The following BCL2L13 variants were observed in gnomAD, a reference collection of about 807,000 sequenced individuals.
BCL2L13 encodes bcl-2-like protein 13.
Under a neutral mutation model 25.8 loss-of-function variants are expected in BCL2L13, and 13 were observed. The ratio of observed to expected loss-of-function variants is 0.50; its 90% CI spans 0.33 to 0.80. The LOEUF (loss-of-function observed/expected upper bound fraction) is 0.80. Among genes scored for constraint, BCL2L13 ranks in the 30% least tolerant of loss-of-function variants. BCL2L13 has a pLI of 0.02. For missense variants in BCL2L13, 504 were observed against 574.9 expected, an observed-to-expected ratio of 0.88 and a Z score of 1.26; for synonymous variants, 244 against 230.3, an observed-to-expected ratio of 1.06 and a Z score of -0.54.
At position 17,726,788 on chromosome 22, in the gene BCL2L13, C is replaced by A. The variant is rs1367945344; in HGVS notation, c.712C>A (p.Pro238Thr). The A allele has an allele frequency of 6.2e-7, 1 of 1,614,190 alleles. No individual in the cohort carries two copies. The highest frequency in any genetic ancestry group is 8.5e-7 in the Non-Finnish European group (1 of 1,180,040). ...PSDNSGQVSP[P>T]ESPTVTTSWQ... ...CGACAACTCTGGACAAGTCAGTCCCCCAGAGTCTCCAACTGTGACCACTTC... is the reference window on the plus strand; with the variant it reads ...CGACAACTCTGGACAAGTCAGTCCCACAGAGTCTCCAACTGTGACCACTTC... The change falls in exon 7 of 7, where the codon CCA becomes ACA. Residue 238 changes from proline to threonine, a missense_variant. Transcript: ENST00000317582.
At chr22:17,655,602 C>T in intron 1 of BCL2L13, 60 bp from the exon 2 acceptor site, 3 of 1,361,676 alleles carry the variant, frequency 2.2e-6, no homozygotes, top group Non-Finnish European at 3.0e-6. Context: ...TGGTGTGAAA[C>T]AACTGTTAAA....
intron 6 of BCL2L13, among the ~76,000 whole-genome samples, chr22:17,717,932 T>C (rs540292685): frequency 1.3e-5 from 2 of 152,046 alleles, no homozygotes; most frequent in Admixed American, 6.6e-5. Flanking sequence ...ACAAAAAATG[T>C]AAAAATTAGC....
rs1323766188 is a variant in BCL2L13 at position 17,677,911 on chromosome 22, T to C, written c.122-5303T>C. 2.7e-5 allele frequency among the ~76,000 whole-genome samples: 4 copies of C among 150,900 alleles called. No individual in the cohort carries two copies. The East Asian group carries it at 7.8e-4, about 30-fold the overall frequency. On this transcript the variant is annotated intron_variant, in intron 2 of 6. Coordinates refer to ENST00000317582, the MANE Select transcript of BCL2L13 (RefSeq NM_015367.4). ...CCCCACAAAAATTAGCTGGGCATGGTGGTGTGTACCTGTAGTGCCAGCTAC... is the reference window on the plus strand; with the variant it reads ...CCCCACAAAAATTAGCTGGGCATGGCGGTGTGTACCTGTAGTGCCAGCTAC...
chr22:17,681,880 T>G (rs952196381), intron 2 of BCL2L13, among the ~76,000 whole-genome samples: 5 of 152,144 alleles, frequency 3.3e-5, no homozygotes, highest in African/African-American at 1.2e-4. Flanking sequence ...GTGTCTTGGT[T>G]TTTCACCTGC....
intron 2 of BCL2L13, among the ~76,000 whole-genome samples, chr22:17,660,423 A>G (rs1196858059): frequency 6.9e-6 from 1 of 145,638 alleles, no homozygotes; most frequent in African/African-American, 2.4e-5. Flanking sequence ...TTACTGATTG[A>G]TTGATTGATT....
chr22:17,660,827 C>G (rs1246910031), intron 2 of BCL2L13, among the ~76,000 whole-genome samples: 1 of 146,378 alleles, frequency 6.8e-6, no homozygotes. Context: ...TCGCTCTCGT[C>G]AGGTGGGAGT....
chr22:17,720,045 G>T (rs996436357), intron 6 of BCL2L13, among the ~76,000 whole-genome samples: 1 of 152,010 alleles, frequency 6.6e-6, no homozygotes, highest in Non-Finnish European at 1.5e-5. Flanking sequence ...ACTACCAAAG[G>T]GTGTCTTTTT....
chr22:17,643,768 C>T (rs561552034), intron 1 of BCL2L13, among the ~76,000 whole-genome samples: 1 of 151,232 alleles, frequency 6.6e-6, no homozygotes, highest in Non-Finnish European at 1.5e-5. Context: ...CACTCGCCAC[C>T]ATGCCCGGCT....
intron 6 of BCL2L13, among the ~76,000 whole-genome samples, chr22:17,711,543 C>T (rs1024865381): frequency 1.3e-5 from 2 of 152,106 alleles, no homozygotes; most frequent in African/African-American, 4.8e-5. Context: ...AAGTGATTGC[C>T]TGCCTCTGCC....
intron 2 of BCL2L13, among the ~76,000 whole-genome samples, chr22:17,679,931 G>A (rs1308631058): frequency 6.6e-6 from 1 of 151,900 alleles, no homozygotes; most frequent in Non-Finnish European, 1.5e-5. Context: ...AAGACTTATG[G>A]GCCAGGCACG....
intron 2 of BCL2L13, among the ~76,000 whole-genome samples, chr22:17,669,192 C>G (rs558810205): frequency 2.7e-4 from 40 of 146,260 alleles, no homozygotes; most frequent in Non-Finnish European, 5.2e-4. Context: ...GCCACCACAC[C>G]CGGCTAGTTT....
chr22:17,693,563 A>G (rs1379442038), intron 4 of BCL2L13, among the ~76,000 whole-genome samples: 2 of 151,544 alleles, frequency 1.3e-5, no homozygotes, highest in Non-Finnish European at 2.9e-5. Flanking sequence ...TATTTTTAGT[A>G]GAGACATGGT....
In BCL2L13 at chr22:17,640,894, A is replaced by G. The variant is rs1038732522; in HGVS notation, c.-51+2008A>G. On this transcript the variant is annotated intron_variant, in intron 1 of 6. Coordinates refer to ENST00000317582, the MANE Select transcript of BCL2L13 (RefSeq NM_015367.4). ...GTTTATTAATTTTTTATATATATAT[A>G]TATATTTTTTTTTTGAGGCGGAGTG... Among the ~76,000 whole-genome samples, 12 of 113,162 alleles carry G rather than the reference A, an allele frequency of 1.1e-4. No homozygotes were observed. In the South Asian group the frequency reaches 2.8e-3, roughly 26 times the overall value. 74.2% of individuals were successfully genotyped at this position (113,162 alleles called of 152,430 possible).
intron 2 of BCL2L13, among the ~76,000 whole-genome samples, chr22:17,656,795 C>G (rs1388261573): frequency 2.0e-5 from 3 of 152,000 alleles, no homozygotes; most frequent in Non-Finnish European, 4.4e-5. Flanking sequence ...ACTAAGTGTT[C>G]CATCATAATG....
intron 2 of BCL2L13, among the ~76,000 whole-genome samples, chr22:17,682,948 A>G (rs1261770477): frequency 6.6e-6 from 1 of 152,140 alleles, no homozygotes; most frequent in African/African-American, 2.4e-5. Context: ...CCTGGCCAAC[A>G]TAGTGAAACC....
At chr22:17,632,571 A>C (rs1001303402) in intron 1 of BCL2L13, among the ~76,000 whole-genome samples, 1 of 152,046 alleles carries the variant, frequency 6.6e-6, no homozygotes, top group Non-Finnish European at 1.5e-5. Context: ...TTTTGATTAC[A>C]ATCTCTCCTG....
intron 6 of BCL2L13, chr22:17,706,639 T>C: frequency 7.9e-7 from 1 of 1,260,396 alleles, no homozygotes; most frequent in Non-Finnish European, 1.0e-6. Context: ...CACCATTTCC[T>C]CTTAGTTTCA....
intron 3 of BCL2L13, among the ~76,000 whole-genome samples, chr22:17,687,368 G>GT (rs2059973289): frequency 6.6e-6 from 1 of 152,042 alleles, no homozygotes. Flanking sequence ...GGGAGACAGA[G>GT]TCTCACTTTG....
intron 2 of BCL2L13, among the ~76,000 whole-genome samples, chr22:17,673,084 A>G (rs1439338506): frequency 1.3e-5 from 2 of 152,202 alleles, no homozygotes; most frequent in Admixed American, 6.6e-5. Flanking sequence ...TGGGCTAGTC[A>G]TTAAATTCTC....
Sources: allele counts gnomAD v4.1 joint callset (sites outside exome capture counted in the v4.1 genomes callset), GRCh38; gene constraint gnomAD v4.1.1; transcripts MANE v1.5; gene names NCBI Gene and HGNC (gene_info 2026-07-23, HGNC 2026-07-21).